Variants in MEIS2 observed in about 807,000 individuals in gnomAD.
MEIS2 encodes the protein homeobox protein Meis2.
MEIS2 carries 9 observed loss-of-function variants against 58.6 expected under a neutral mutation model. The observed-to-expected ratio is 0.15, with a 90% CI of 0.09 to 0.27. MEIS2 has a LOEUF of 0.27. MEIS2 is among the 10% of genes least tolerant of loss of function. The pLI, the probability that MEIS2 is intolerant of heterozygous loss-of-function variation, is 1.00. For missense variants in MEIS2, 427 were observed against 635.0 expected (o/e 0.67, Z 3.52); for synonymous variants, 221 against 228.4 (o/e 0.97, Z 0.29).
At chr15:36,895,960 G>T (rs1484353450) in intron 10 of MEIS2, among the ~76,000 whole-genome samples, 4 of 152,126 alleles carry the variant, frequency 2.6e-5, no homozygotes, top group African/African-American at 9.7e-5. Flanking sequence ...AAGCCTTATT[G>T]CAGGAGACCA....
chr15:36,897,714 C>A (rs1352312763), intron 9 of MEIS2: 1 of 152,188 alleles, frequency 6.6e-6, no homozygotes, highest in Non-Finnish European at 1.5e-5. Context: ...TCACTGACCA[C>A]GCATTTCGGA....
intron 8 of MEIS2, among the ~76,000 whole-genome samples, chr15:36,953,196 A>T (rs780070927): frequency 6.6e-6 from 1 of 152,168 alleles, no homozygotes; most frequent in Non-Finnish European, 1.5e-5. Context: ...GGATTAATTT[A>T]CAAATATATG....
intron 8 of MEIS2, among the ~76,000 whole-genome samples, chr15:36,992,589 C>T (rs2060334528): frequency 6.6e-6 from 1 of 152,104 alleles, no homozygotes; most frequent in South Asian, 2.1e-4. Context: ...TTTGGGAAAA[C>T]TTGGCCCACA....
intron 8 of MEIS2, among the ~76,000 whole-genome samples, chr15:37,022,846 G>A (rs1477202708): frequency 3.3e-5 from 5 of 151,458 alleles, no homozygotes; most frequent in Admixed American, 6.6e-5. Context: ...TAGTAGAGAC[G>A]GGGTTTCACC....
At chr15:36,920,562 T>C (rs1392888631) in intron 9 of MEIS2, among the ~76,000 whole-genome samples, 1 of 152,224 alleles carries the variant, frequency 6.6e-6, no homozygotes, top group Non-Finnish European at 1.5e-5. Context: ...AAAACAGGTC[T>C]GCTAAAAATC....
rs536035679 is a variant in MEIS2 at position 37,036,723 on chromosome 15, C to T, written c.900+91G>A. On this transcript the variant is annotated intron_variant, in intron 8 of 11. Transcript: ENST00000561208. ...GATTTCAAGAATAAGAAAATAGGCACCTTAGTTTAAAAAAAAATCAGTATG... is the reference window on the plus strand; with the variant it reads ...GATTTCAAGAATAAGAAAATAGGCATCTTAGTTTAAAAAAAAATCAGTATG... 7.2e-6 allele frequency: 10 copies of T among 1,379,332 alleles called. No individual in the cohort carries two copies. In the African/African-American group the frequency reaches 1.2e-4, roughly 16 times the overall value. 85.4% of individuals were successfully genotyped at this position (1,379,332 alleles called of 1,614,324 possible). A position where few individuals can be genotyped will look rare whatever the true frequency, so the allele number is the denominator to read the frequency against.
At chr15:36,998,077 T>C (rs974369451) in intron 8 of MEIS2, among the ~76,000 whole-genome samples, 4 of 152,096 alleles carry the variant, frequency 2.6e-5, no homozygotes, top group Non-Finnish European at 5.9e-5. Context: ...AGTTCGAGCA[T>C]GCACTCTTCC....
intron 8 of MEIS2, among the ~76,000 whole-genome samples, chr15:36,956,096 T>A (rs538610544): frequency 7.2e-6 from 1 of 138,752 alleles, no homozygotes; most frequent in East Asian, 2.1e-4. Context: ...CTCGGGAGGC[T>A]GAGGCAGGAG....
chr15:37,003,330 C>A (rs749944637), intron 8 of MEIS2, among the ~76,000 whole-genome samples: 1 of 142,954 alleles, frequency 7.0e-6, no homozygotes, highest in Non-Finnish European at 1.6e-5. Context: ...ATGAATAAGT[C>A]TTCCAGGGTA....
chr15:37,072,105 C>T (rs1450742340), intron 7 of MEIS2, among the ~76,000 whole-genome samples: 2 of 152,056 alleles, frequency 1.3e-5, no homozygotes, highest in Admixed American at 1.3e-4. Flanking sequence ...CAACACGCAC[C>T]CACCTTCTAG....
At chr15:36,980,281 C>T (rs2059890489) in intron 8 of MEIS2, among the ~76,000 whole-genome samples, 2 of 152,026 alleles carry the variant, frequency 1.3e-5, no homozygotes, top group African/African-American at 4.8e-5. Flanking sequence ...TGTTTTTCAT[C>T]CCTGACATCA....
intron 9 of MEIS2, among the ~76,000 whole-genome samples, chr15:36,921,870 T>C (rs1199909160): frequency 6.6e-6 from 1 of 152,188 alleles, no homozygotes; most frequent in East Asian, 1.9e-4. Flanking sequence ...GGAAGCCAAA[T>C]GATGATTTAA....
intron 5 of MEIS2, among the ~76,000 whole-genome samples, chr15:37,094,266 T>A (rs1339302237): frequency 6.6e-6 from 1 of 152,042 alleles, no homozygotes; most frequent in African/African-American, 2.4e-5. Context: ...GTAACATAAA[T>A]GGTTTGCTGC....
At chr15:36,902,364 A>G (rs997488240) in intron 9 of MEIS2, among the ~76,000 whole-genome samples, 1 of 152,148 alleles carries the variant, frequency 6.6e-6, no homozygotes, top group African/African-American at 2.4e-5. Flanking sequence ...CCAAATGTAC[A>G]ATGCTATGGT....
At chr15:37,011,842 A>C (rs1228276252) in intron 8 of MEIS2, among the ~76,000 whole-genome samples, 1 of 151,384 alleles carries the variant, frequency 6.6e-6, no homozygotes, top group Non-Finnish European at 1.5e-5. Context: ...CTAGTCTGGA[A>C]CTCCTGACCT....
At chr15:37,039,206 C>T (rs1042557590) in intron 7 of MEIS2, among the ~76,000 whole-genome samples, 1 of 152,158 alleles carries the variant, frequency 6.6e-6, no homozygotes, top group Non-Finnish European at 1.5e-5. Flanking sequence ...ATAAAGATAT[C>T]TTTGTGTGTA....
intron 6 of MEIS2, among the ~76,000 whole-genome samples, chr15:37,092,550 C>A (rs937244013): frequency 2.0e-5 from 3 of 151,948 alleles, no homozygotes; most frequent in African/African-American, 7.2e-5. Context: ...CTATAGACAC[C>A]CTGTCCCCCA....
rs955690772 is a variant in MEIS2, at chr15:37,055,506, A to G, written c.755-18547T>C. 3.9e-5 allele frequency among the ~76,000 whole-genome samples: 6 copies of G among 152,290 alleles called. No individual in the cohort carries two copies. In the East Asian group the frequency reaches 1.2e-3, roughly 29 times the overall value. On this transcript the variant is annotated intron_variant, in intron 7 of 11. Transcript: ENST00000561208. ...TCTCAACATTAAACAACATTACTCG[A>G]CTTCGGAAACCTTCCACCACTGCCA...
intron 8 of MEIS2, among the ~76,000 whole-genome samples, chr15:36,970,925 TTAAA>T (rs1377633222): frequency 6.6e-6 from 1 of 152,168 alleles, no homozygotes; most frequent in African/African-American, 2.4e-5. Flanking sequence ...GTATGTATAA[TTAAA>T]TTAATTAGTA....
Sources: allele counts gnomAD v4.1 joint callset (sites outside exome capture counted in the v4.1 genomes callset), GRCh38; gene constraint gnomAD v4.1.1; transcripts MANE v1.5; gene names NCBI Gene and HGNC (gene_info 2026-07-23, HGNC 2026-07-21).